The following UTP6 variants were observed in gnomAD, a reference collection of about 807,000 sequenced individuals.
UTP6 encodes U3 small nucleolar RNA-associated protein 6 homolog.
UTP6 carries 60 observed loss-of-function variants against 96.5 expected under a neutral mutation model. The ratio of observed to expected loss-of-function variants is 0.62; its 90% CI spans 0.51 to 0.77. The LOEUF is 0.77. Ranked by LOEUF, UTP6 falls within the 30% of genes least tolerant of loss-of-function variation. The pLI is 0.00. For missense variants in UTP6, 637 were observed against 706.5 expected (o/e 0.90, Z 1.12); for synonymous variants, 215 against 240.1 (o/e 0.90, Z 0.96).
At chr17:31,880,884 A>T in intron 10 of UTP6, 130 bp from the exon 11 acceptor site, 1 of 1,286,524 alleles carries the variant, frequency 7.8e-7, no homozygotes, top group Non-Finnish European at 1.1e-6. Flanking sequence ...CATAAAAACT[A>T]TTTCCCAGGC....
chr17:31,897,612 T>C (rs979694666), intron 2 of UTP6, among the ~76,000 whole-genome samples: 1 of 151,904 alleles, frequency 6.6e-6, no homozygotes, highest in Non-Finnish European at 1.5e-5. Context: ...CACACCCGGC[T>C]AATTTTTGTA....
At chr17:31,889,172 A>C (rs1486277246) in intron 7 of UTP6, 113 bp downstream of exon 7, 3 of 698,556 alleles carry the variant, frequency 4.3e-6, no homozygotes, top group Non-Finnish European at 4.6e-6. Flanking sequence ...CTGTAATCCC[A>C]GCTACTCGGG....
rs1904394969 is a variant in UTP6, at chr17:31,892,735, G to C, written c.360+12C>G. Reference sequence around the variant, plus strand: ...CGGTCAGAGGAAGCAAGACATGCATGGCTTTACTCACCCACTTCTTACAAA... The same window carrying C: ...CGGTCAGAGGAAGCAAGACATGCATCGCTTTACTCACCCACTTCTTACAAA... On this transcript the variant is annotated intron_variant, in intron 5 of 18. Coordinates refer to ENST00000261708, the MANE Select transcript of UTP6 (RefSeq NM_018428.3). The C allele has an allele frequency of 1.2e-6, 2 of 1,614,046 alleles. No individual in the cohort carries two copies. The highest frequency in any genetic ancestry group is 4.5e-5 in the East Asian group (2 of 44,876).
Position 31,863,175 on chromosome 17 carries a change from A to G in UTP6, c.*184T>C, listed in dbSNP as rs1909620020. 1.6e-6 allele frequency: 1 copy of G among 628,038 alleles called. No homozygotes were observed. The highest frequency in any genetic ancestry group is 3.1e-5 in the Admixed American group (1 of 32,366). The allele number at this position is 628,038 out of a possible 1,614,324, so 38.9% of individuals were successfully genotyped here. A position where few individuals can be genotyped will look rare whatever the true frequency, so the allele number is the denominator to read the frequency against. On this transcript the variant is annotated 3_prime_UTR_variant, in exon 19 of 19. Transcript: ENST00000261708. ...GGGCAACAGAGCAAGACCCAGTCTC[A>G]ATCATAAAAATTTTTTAATTTTTAA...
At chr17:31,872,397 G>A (rs1910223540) in intron 16 of UTP6, among the ~76,000 whole-genome samples, 1 of 151,978 alleles carries the variant, frequency 6.6e-6, no homozygotes, top group African/African-American at 2.4e-5. Flanking sequence ...GCCAGGCATG[G>A]TGGCTTACAC....
chr17:31,867,838 C>T (rs752742357), intron 17 of UTP6, among the ~76,000 whole-genome samples: 10 of 151,914 alleles, frequency 6.6e-5, no homozygotes, highest in Non-Finnish European at 1.2e-4. Flanking sequence ...TGCCTATAGT[C>T]CCAGCTACTC....
intron 16 of UTP6, among the ~76,000 whole-genome samples, chr17:31,871,146 C>A (rs891304812): frequency 6.6e-6 from 1 of 151,940 alleles, no homozygotes; most frequent in South Asian, 2.1e-4. Context: ...CCTGCCACCA[C>A]GCCCGGCTAA....
chr17:31,893,911 A>C (rs1261301827), intron 4 of UTP6, among the ~76,000 whole-genome samples: 3 of 152,022 alleles, frequency 2.0e-5, no homozygotes, highest in Non-Finnish European at 4.4e-5. Flanking sequence ...GGTTTAATGC[A>C]GTTCTTAAAG....
At chr17:31,897,443 C>CTTTTTTTT (rs397857995) in intron 2 of UTP6, among the ~76,000 whole-genome samples, 7 of 103,214 alleles carry the variant, frequency 6.8e-5, no homozygotes, top group Non-Finnish European at 7.8e-5. Context: ...AACTTCTAGT[C>CTTTTTTTT]TTTTTTTTTT....
intron 10 of UTP6, among the ~76,000 whole-genome samples, chr17:31,881,828 GTAC>G (rs1213947560): frequency 6.6e-6 from 1 of 151,990 alleles, no homozygotes; most frequent in Non-Finnish European, 1.5e-5. Flanking sequence ...CATGTAGCTG[GTAC>G]TACAAGTGCA....
At chr17:31,894,232 G>A (rs1904501645) in intron 4 of UTP6, among the ~76,000 whole-genome samples, 1 of 138,976 alleles carries the variant, frequency 7.2e-6, no homozygotes, top group Admixed American at 8.0e-5. Flanking sequence ...TCACCCTACT[G>A]TACTCTAGTC....
chr17:31,871,849 C>T (rs927441452), intron 16 of UTP6, among the ~76,000 whole-genome samples: 36 of 151,906 alleles, frequency 2.4e-4, no homozygotes, highest in African/African-American at 8.2e-4. Context: ...GCCAAGATGG[C>T]GCCATTACAC....
rs1296285760 is a variant in UTP6, at chr17:31,869,054, G to T, written c.1497-942C>A. Among the ~76,000 whole-genome samples the T allele has an allele frequency of 2.6e-5, 4 of 152,132 alleles. No homozygotes were observed. The East Asian group carries it at 7.7e-4, about 29-fold the overall frequency. ...TGAACCTGGGAGGCGGAGGCTGCAG[G>T]GAGCCAAGATCAAGCCACTGCACTC... On this transcript the variant is annotated intron_variant, in intron 16 of 18. Coordinates refer to ENST00000261708, the MANE Select transcript of UTP6 (RefSeq NM_018428.3).
At chr17:31,883,316 ATTTTT>A (rs764591553) in intron 10 of UTP6, among the ~76,000 whole-genome samples, 1 of 142,246 alleles carries the variant, frequency 7.0e-6, no homozygotes, top group African/African-American at 2.6e-5. Context: ...TAAGCTTTAG[ATTTTT>A]TTTTTTTTTT....
chr17:31,899,529 T>G, intron 2 of UTP6, 117 bp downstream of exon 2: 3 of 622,188 alleles, frequency 4.8e-6, no homozygotes, highest in Non-Finnish European at 7.4e-6. Flanking sequence ...GAGGTTGCAG[T>G]GAGCAGAGAT....
intron 2 of UTP6, among the ~76,000 whole-genome samples, chr17:31,896,433 T>G (rs1021299879): frequency 6.6e-6 from 1 of 152,192 alleles, no homozygotes; most frequent in Non-Finnish European, 1.5e-5. Flanking sequence ...TGATGTCTTT[T>G]CATAAGTTTA....
chr17:31,884,002 ATTTT>A (rs11444704), intron 10 of UTP6, among the ~76,000 whole-genome samples: 43 of 140,380 alleles, frequency 3.1e-4, no homozygotes, highest in African/African-American at 9.8e-4. Flanking sequence ...TATGATATTA[ATTTT>A]TTTTTTTTTT....
intron 16 of UTP6, among the ~76,000 whole-genome samples, 160 bp from the exon 17 acceptor site, chr17:31,868,272 C>G (rs76464785): frequency 6.7e-6 from 1 of 150,050 alleles, no homozygotes; most frequent in Non-Finnish European, 1.5e-5. Context: ...GTCATTCTCA[C>G]GATTCTATGA....
At chr17:31,890,722 A>C (rs2142317869) in intron 6 of UTP6, among the ~76,000 whole-genome samples, 1 of 152,106 alleles carries the variant, frequency 6.6e-6, no homozygotes, top group Non-Finnish European at 1.5e-5. Context: ...ACAGTGGCTT[A>C]CTCCTGTAAT....
Sources: allele counts gnomAD v4.1 joint callset (sites outside exome capture counted in the v4.1 genomes callset), GRCh38; gene constraint gnomAD v4.1.1; transcripts MANE v1.5; gene names NCBI Gene and HGNC (gene_info 2026-07-23, HGNC 2026-07-21).